The following ABLIM3 variants were observed in gnomAD, a reference collection of about 807,000 sequenced individuals.
ABLIM3 encodes actin-binding LIM protein 3.
ABLIM3 carries 61 observed loss-of-function variants against 109.5 expected under a neutral mutation model. The ratio of observed to expected loss-of-function variants is 0.56; its 90% CI spans 0.45 to 0.69. The LOEUF is 0.69. Among genes scored for constraint, ABLIM3 ranks in the 30% least tolerant of loss-of-function variants. The pLI, the probability that ABLIM3 is intolerant of heterozygous loss-of-function variation, is 0.00. For synonymous variants in ABLIM3, 300 were observed against 324.8 expected, an observed-to-expected ratio of 0.92 and a Z score of 0.82; for missense variants, 796 against 889.5, an observed-to-expected ratio of 0.89 and a Z score of 1.34.
intron 13 of ABLIM3, 94 bp downstream of exon 13, chr5:149,239,982 A>T: frequency 6.9e-7 from 1 of 1,459,804 alleles, no homozygotes; most frequent in African/African-American, 1.5e-5. Context: ...AGGCTCCCCC[A>T]TGATCTCCAT....
At chr5:149,202,729 C>T (rs1758604259) in intron 5 of ABLIM3, among the ~76,000 whole-genome samples, 1 of 152,128 alleles carries the variant, frequency 6.6e-6, no homozygotes, top group Non-Finnish European at 1.5e-5. Context: ...AAGAAAAATA[C>T]TCAGGAACTG....
At chr5:149,188,083 A>G (rs1581083017) in intron 3 of ABLIM3, among the ~76,000 whole-genome samples, 1 of 152,204 alleles carries the variant, frequency 6.6e-6, no homozygotes, top group East Asian at 1.9e-4. Context: ...TTTATATATA[A>G]CATTTCCCTG....
chr5:149,226,459 G>C (rs1761294166), intron 8 of ABLIM3, among the ~76,000 whole-genome samples: 1 of 152,058 alleles, frequency 6.6e-6, no homozygotes. Flanking sequence ...CCTCCAGCCT[G>C]GTGATAAAGC....
chr5:149,201,647 T>C (rs1758501333), intron 5 of ABLIM3, among the ~76,000 whole-genome samples: 2 of 152,142 alleles, frequency 1.3e-5, no homozygotes, highest in Non-Finnish European at 1.5e-5. Context: ...CAAGAATAGA[T>C]TGCTGCTCCA....
chr5:149,252,108 C>T, intron 21 of ABLIM3, 93 bp from the exon 22 acceptor site: 5 of 1,439,990 alleles, frequency 3.5e-6, no homozygotes, highest in Non-Finnish European at 4.8e-6. Flanking sequence ...GAGGCCAGAC[C>T]CCCTGAGAGA....
Position 149,149,679 on chromosome 5 carries a change from C to G in ABLIM3, c.13+7571C>G, listed in dbSNP as rs990283480. Among the ~76,000 whole-genome samples, 659 of 152,178 alleles carry G rather than the reference C, an allele frequency of 4.3e-3. 2 individuals carry two copies. The highest frequency in any genetic ancestry group is 0.015 in the African/African-American group (618 of 41,514). ...CTTTTAGAAAATAAAGACTGCATGGCCTAGCCACTGATTGTTTTATAAGGC... is the reference window on the plus strand; with the variant it reads ...CTTTTAGAAAATAAAGACTGCATGGGCTAGCCACTGATTGTTTTATAAGGC... On this transcript the variant is annotated intron_variant, in intron 2 of 23. Coordinates refer to ENST00000309868, the MANE Select transcript of ABLIM3 (RefSeq NM_014945.5).
At chr5:149,249,899 G>A (rs1753762365) in intron 19 of ABLIM3, 55 bp downstream of exon 19, 2 of 1,601,048 alleles carry the variant, frequency 1.2e-6, no homozygotes, top group South Asian at 1.1e-5. Flanking sequence ...GGACAGAGCT[G>A]TGTCAGCTGC....
chr5:149,204,175 C>T (rs893877432), intron 5 of ABLIM3, among the ~76,000 whole-genome samples: 8 of 152,130 alleles, frequency 5.3e-5, no homozygotes, highest in Non-Finnish European at 1.2e-4. Context: ...GGCTGTCTAG[C>T]GTCTTTAGGA....
chr5:149,230,735 G>C, intron 9 of ABLIM3, 28 bp downstream of exon 9: 1 of 1,613,158 alleles, frequency 6.2e-7, no homozygotes. Flanking sequence ...TTCCAGACCA[G>C]CACTCCTGCT....
intron 2 of ABLIM3, among the ~76,000 whole-genome samples, chr5:149,154,829 G>A (rs776520670): frequency 6.6e-6 from 1 of 152,200 alleles, no homozygotes; most frequent in Non-Finnish European, 1.5e-5. Flanking sequence ...TTGATGCAGA[G>A]TGATGATCAC....
At chr5:149,188,897 A>G (rs1182598334) in intron 3 of ABLIM3, among the ~76,000 whole-genome samples, 1 of 152,238 alleles carries the variant, frequency 6.6e-6, no homozygotes, top group East Asian at 1.9e-4. Flanking sequence ...CAAGGGACGG[A>G]CATAGAATAG....
intron 2 of ABLIM3, among the ~76,000 whole-genome samples, chr5:149,166,111 G>T (rs1754795317): frequency 1.3e-5 from 2 of 152,104 alleles, no homozygotes; most frequent in Admixed American, 1.3e-4. Flanking sequence ...TATAAAAACT[G>T]GGAGTTTTAC....
At chr5:149,146,028 T>G (rs1042211847) in intron 2 of ABLIM3, among the ~76,000 whole-genome samples, 2 of 152,208 alleles carry the variant, frequency 1.3e-5, no homozygotes, top group Non-Finnish European at 1.5e-5. Context: ...TGGTCTCAAA[T>G]GCTTCAGCCT....
intron 8 of ABLIM3, chr5:149,221,086 A>T (rs1760602817): frequency 6.6e-6 from 1 of 152,268 alleles, no homozygotes; most frequent in Non-Finnish European, 1.5e-5. Flanking sequence ...GGTGCCCCTA[A>T]AAAGGGATAT....
chr5:149,172,786 G>A (rs1755568449), intron 2 of ABLIM3, among the ~76,000 whole-genome samples: 1 of 152,116 alleles, frequency 6.6e-6, no homozygotes, highest in African/African-American at 2.4e-5. Context: ...TACATTACCT[G>A]CCTGGCCTCT....
At chr5:149,218,309 C>T (rs922271500) in intron 8 of ABLIM3, 1 of 152,390 alleles carries the variant, frequency 6.6e-6, no homozygotes, top group South Asian at 2.1e-4. Context: ...AGGGGCAAGG[C>T]AGCTCTCTGG....
intron 3 of ABLIM3, among the ~76,000 whole-genome samples, chr5:149,188,661 A>C (rs1373237168): frequency 6.6e-6 from 1 of 152,250 alleles, no homozygotes; most frequent in Non-Finnish European, 1.5e-5. Flanking sequence ...TGTTGTTTTA[A>C]GAGTACTAAT....
intron 5 of ABLIM3, among the ~76,000 whole-genome samples, chr5:149,202,463 G>A (rs1179278789): frequency 6.6e-6 from 1 of 152,188 alleles, no homozygotes; most frequent in Non-Finnish European, 1.5e-5. Flanking sequence ...TTTCTCCAAA[G>A]GTGGTCACTA....
At chr5:149,176,003 A>G (rs745449801) in intron 2 of ABLIM3, among the ~76,000 whole-genome samples, 2 of 152,182 alleles carry the variant, frequency 1.3e-5, no homozygotes, top group Non-Finnish European at 2.9e-5. Flanking sequence ...GTTTTACAAC[A>G]TCCTCCTGGG....
Sources: allele counts gnomAD v4.1 joint callset (sites outside exome capture counted in the v4.1 genomes callset), GRCh38; gene constraint gnomAD v4.1.1; transcripts MANE v1.5; gene names NCBI Gene and HGNC (gene_info 2026-07-23, HGNC 2026-07-21).